The following ARL14EPL variants were observed in gnomAD, a reference collection of about 807,000 sequenced individuals.
The protein encoded by ARL14EPL is ARF like GTPase 14 effector protein like.
ARL14EPL carries 17 observed loss-of-function variants against 15.9 expected under a neutral mutation model. The ratio of observed to expected loss-of-function variants is 1.07; its 90% CI spans 0.73 to 1.60. The LOEUF is 1.60. Among genes scored for constraint, ARL14EPL ranks in the 40% most tolerant of loss-of-function variants. ARL14EPL has a pLI of 0.00. For synonymous variants in ARL14EPL, 78 were observed against 63.8 expected (o/e 1.22, Z -1.06); for missense variants, 214 against 185.9 (o/e 1.15, Z -0.88).
At chr5:116,037,574 T>G (rs1032072563) in intron 1 of ARL14EPL, among the ~76,000 whole-genome samples, 2 of 152,192 alleles carry the variant, frequency 1.3e-5, no homozygotes, top group Admixed American at 6.5e-5. Context: ...ACAAGAGTTT[T>G]TTTGTTTGTT....
chr5:116,034,811 C>G (rs1580409153), intron 1 of ARL14EPL, among the ~76,000 whole-genome samples: 1 of 152,048 alleles, frequency 6.6e-6, no homozygotes, highest in African/African-American at 2.4e-5. Context: ...TTTGTTTTAG[C>G]AAAGAGATTT....
At chr5:116,039,886 A>G (rs1322314227) in intron 1 of ARL14EPL, among the ~76,000 whole-genome samples, 2 of 152,226 alleles carry the variant, frequency 1.3e-5, no homozygotes. Context: ...CTAGAAAAAT[A>G]TGATTTACTA....
chr5:116,058,928 C>G lies in ARL14EPL; in HGVS notation c.440C>G (p.Pro147Arg), dbSNP rs762817608. 7.3e-5 allele frequency: 112 copies of G among 1,536,022 alleles called. 1 individual carries two copies. In the South Asian group the frequency reaches 1.3e-3, roughly 17 times the overall value. Residue 147 changes from proline (P) to arginine (R), a missense_variant, in exon 4 of 4, where the codon CCG becomes CGG. Pro to Arg is a moderately radical substitution (Grantham distance 103). Transcript: ENST00000686077. Reference sequence around the variant, plus strand: ...TCAGGAGAGGTCATCAGCACGCTGCCGTTTAATGTTCCTGACTAGGTGCTC... The same window carrying G: ...TCAGGAGAGGTCATCAGCACGCTGCGGTTTAATGTTCCTGACTAGGTGCTC... ...TESGEVISTL[P>R]FNVPD
At chr5:116,056,410 A>G (rs1036474443) in intron 3 of ARL14EPL, among the ~76,000 whole-genome samples, 25 of 152,230 alleles carry the variant, frequency 1.6e-4, no homozygotes, top group Non-Finnish European at 3.4e-4. Context: ...GATAATGAGC[A>G]TTTTTCATGT....
chr5:116,039,011 C>G (rs1295305299), intron 1 of ARL14EPL, among the ~76,000 whole-genome samples: 3 of 152,112 alleles, frequency 2.0e-5, no homozygotes, highest in African/African-American at 7.2e-5. Context: ...AGGAAATGCA[C>G]AGACAAACCG....
rs1432823915 is a variant in ARL14EPL at position 116,059,077 on chromosome 5, C to T, written c.*130C>T. On this transcript the variant is annotated 3_prime_UTR_variant, in exon 4 of 4. Coordinates refer to ENST00000686077, the MANE Select transcript of ARL14EPL (RefSeq NM_001195581.2). ...ACTGAAGACTCATGTTCTGTCAAGC[C>T]CCAGAACAATGTAGAATGGGCAATA... is the stretch of plus-strand genomic sequence containing the variant. The T allele has an allele frequency of 7.1e-6, 6 of 847,512 alleles. No homozygotes were observed. The Admixed American group carries it at 1.5e-4, about 21-fold the overall frequency. 52.5% of individuals were successfully genotyped at this position (847,512 alleles called of 1,614,324 possible).
chr5:116,054,217 A>T lies in ARL14EPL; in HGVS notation c.236+64A>T, dbSNP rs543632078. On this transcript the variant is annotated intron_variant, in intron 3 of 3. Transcript: ENST00000686077. ...TGAAATGCATGAATTCTCCTTGACA[A>T]AGCAATGAAAGATTCCCTCTTTTTA... 1,348 of 1,396,128 alleles carry T rather than the reference A, an allele frequency of 9.7e-4. 1 individual carries two copies. The highest frequency in any genetic ancestry group is 1.2e-3 in the Non-Finnish European group (1,289 of 1,056,254). The allele number at this position is 1,396,128 out of a possible 1,614,324, so 86.5% of individuals were successfully genotyped here.
chr5:116,037,157 G>A (rs1421054354), intron 1 of ARL14EPL, among the ~76,000 whole-genome samples: 3 of 152,166 alleles, frequency 2.0e-5, no homozygotes, highest in Non-Finnish European at 4.4e-5. Context: ...AGAAGGCCCA[G>A]CATGGCTCTT....
chr5:116,052,632 A>C (rs1278554407), intron 2 of ARL14EPL, among the ~76,000 whole-genome samples: 3 of 152,222 alleles, frequency 2.0e-5, no homozygotes, highest in Non-Finnish European at 4.4e-5. Flanking sequence ...AGTTGTATGT[A>C]TATGTCATAA....
intron 1 of ARL14EPL, among the ~76,000 whole-genome samples, chr5:116,037,629 C>T (rs1458060451): frequency 1.3e-5 from 2 of 152,086 alleles, no homozygotes; most frequent in African/African-American, 4.8e-5. Flanking sequence ...GGTTTTGTGC[C>T]ATCTGCTGGA....
chr5:116,034,872 A>G lies in ARL14EPL; in HGVS notation c.-10+2367A>G, dbSNP rs553470455. On this transcript the variant is annotated intron_variant, in intron 1 of 3. Coordinates refer to ENST00000686077, the MANE Select transcript of ARL14EPL (RefSeq NM_001195581.2). ...TATTAGAGAAGTGAAAAAACAAAAG[A>G]AGAACCCCAAGTTATAGCTCAGGAA... 2.0e-5 allele frequency among the ~76,000 whole-genome samples: 3 copies of G among 152,340 alleles called. No homozygotes were observed. In the South Asian group the frequency reaches 6.2e-4, roughly 32 times the overall value.
chr5:116,055,101 C>G (rs1749483614), intron 3 of ARL14EPL, among the ~76,000 whole-genome samples: 1 of 152,008 alleles, frequency 6.6e-6, no homozygotes, highest in Non-Finnish European at 1.5e-5. Flanking sequence ...ATAGAGGAAA[C>G]AACAAATAAA....
intron 1 of ARL14EPL, among the ~76,000 whole-genome samples, chr5:116,038,532 C>T (rs1385960279): frequency 1.3e-5 from 2 of 152,048 alleles, no homozygotes; most frequent in Admixed American, 6.6e-5. Flanking sequence ...CATGCAAGGC[C>T]TAAAATATCA....
intron 1 of ARL14EPL, among the ~76,000 whole-genome samples, chr5:116,033,527 G>A (rs532964002): frequency 1.3e-5 from 2 of 152,198 alleles, no homozygotes; most frequent in South Asian, 4.2e-4. Context: ...AAGATCACCT[G>A]TAATTTTTTC....
chr5:116,053,900 A>G (rs1335376957), intron 2 of ARL14EPL, 114 bp from the exon 3 acceptor site: 5 of 843,252 alleles, frequency 5.9e-6, no homozygotes, highest in Non-Finnish European at 8.6e-6. Flanking sequence ...TTTGTGTAAA[A>G]CATATATACT....
At chr5:116,032,578 G>C (rs1429492817) in intron 1 of ARL14EPL, 73 bp downstream of exon 1, 3 of 152,076 alleles carry the variant, frequency 2.0e-5, no homozygotes, top group South Asian at 4.2e-4. Context: ...ACAATGTATT[G>C]TTATAATTGT....
At chr5:116,053,975 A>G in intron 2 of ARL14EPL, 39 bp from the exon 3 acceptor site, 1 of 1,488,594 alleles carries the variant, frequency 6.7e-7, no homozygotes, top group Non-Finnish European at 8.9e-7. Context: ...AGATAAAACT[A>G]TCTGGTTCTT....
intron 2 of ARL14EPL, 123 bp downstream of exon 2, chr5:116,051,684 C>A: frequency 1.2e-6 from 1 of 840,404 alleles, no homozygotes; most frequent in Non-Finnish European, 1.8e-6. Flanking sequence ...AGGAGCTCTG[C>A]CGCCCAGGCT....
In ARL14EPL at chr5:116,045,109, G is replaced by A. The variant is rs201937493; in HGVS notation, c.-9-6348G>A. ...CCCTCTGAGGCTAGTAGAGAACGAAGAGGAAAAACAAGCCACATCATGTAG... is the reference window on the plus strand; with the variant it reads ...CCCTCTGAGGCTAGTAGAGAACGAAAAGGAAAAACAAGCCACATCATGTAG... On this transcript the variant is annotated intron_variant, in intron 1 of 3. Transcript: ENST00000686077. 9.9e-5 allele frequency among the ~76,000 whole-genome samples: 15 copies of A among 152,250 alleles called. No individual in the cohort carries two copies. In the East Asian group the frequency reaches 2.9e-3, roughly 29 times the overall value.
Sources: gnomAD v4.1 joint callset for allele counts (sites outside exome capture counted in the v4.1 genomes callset) on GRCh38, gnomAD v4.1.1 for gene constraint, MANE v1.5 for transcripts, NCBI Gene and HGNC (gene_info 2026-07-23, HGNC 2026-07-21) for gene names.